Variants in SPAG16 observed in about 807,000 individuals in gnomAD.
SPAG16 encodes sperm-associated antigen 16 protein.
In SPAG16, 86 loss-of-function variants were observed where a neutral mutation model predicts 80.4. The ratio of observed to expected loss-of-function variants is 1.07; its 90% CI spans 0.90 to 1.28. SPAG16 has a LOEUF of 1.28. SPAG16 is among the 50% of genes most tolerant of loss of function. SPAG16 has a pLI of 0.00. For synonymous variants in SPAG16, 294 were observed against 265.9 expected, an observed-to-expected ratio of 1.11 and a Z score of -1.03; for missense variants, 870 against 765.3, an observed-to-expected ratio of 1.14 and a Z score of -1.61.
chr2:213,292,471 C>T (rs999085068), intron 1 of SPAG16, among the ~76,000 whole-genome samples: 4 of 151,198 alleles, frequency 2.6e-5, no homozygotes, highest in Non-Finnish European at 4.4e-5. Context: ...GAGACCATCC[C>T]GGCTAAAACG....
intron 14 of SPAG16, among the ~76,000 whole-genome samples, chr2:214,117,957 A>G (rs1480877234): frequency 1.3e-5 from 2 of 152,202 alleles, no homozygotes; most frequent in South Asian, 2.1e-4. Context: ...AAATATGCCT[A>G]TCTTTACTAT....
At chr2:213,515,207 G>A (rs1039806584) in intron 10 of SPAG16, among the ~76,000 whole-genome samples, 1 of 152,008 alleles carries the variant, frequency 6.6e-6, no homozygotes, top group African/African-American at 2.4e-5. Flanking sequence ...TCAATTTAAA[G>A]GTTACTTAAA....
chr2:214,077,873 C>T (rs1448806202), intron 13 of SPAG16, among the ~76,000 whole-genome samples: 1 of 152,216 alleles, frequency 6.6e-6, no homozygotes, highest in Admixed American at 6.5e-5. Context: ...AACTCTGTAG[C>T]AACTTGCTGT....
intron 12 of SPAG16, among the ~76,000 whole-genome samples, chr2:214,003,196 A>T (rs1170354105): frequency 2.0e-5 from 3 of 152,208 alleles, no homozygotes; most frequent in East Asian, 1.9e-4. Flanking sequence ...TAATATATTT[A>T]AAAATGTTTC....
At chr2:213,619,610 A>C (rs563808064) in intron 10 of SPAG16, among the ~76,000 whole-genome samples, 1 of 152,328 alleles carries the variant, frequency 6.6e-6, no homozygotes, top group African/African-American at 2.4e-5. Context: ...CCACAGTGAG[A>C]TATCATCTCA....
chr2:213,726,263 A>G (rs990073123), intron 10 of SPAG16, among the ~76,000 whole-genome samples: 9 of 152,290 alleles, frequency 5.9e-5, no homozygotes, highest in East Asian at 3.9e-4. Flanking sequence ...AGCATTGGCT[A>G]TCTCTCAGGG....
At chr2:213,457,277 G>A (rs145957395) in intron 9 of SPAG16, among the ~76,000 whole-genome samples, 41 of 152,140 alleles carry the variant, frequency 2.7e-4, no homozygotes, top group Admixed American at 1.4e-3. Flanking sequence ...TTCTCAGGTT[G>A]CTCTTCCTCT....
intron 15 of SPAG16, among the ~76,000 whole-genome samples, chr2:214,255,519 T>C (rs558919750): frequency 6.6e-6 from 1 of 152,122 alleles, no homozygotes; most frequent in South Asian, 2.1e-4. Flanking sequence ...CTTGCAGGTA[T>C]CAATACAGTT....
At chr2:213,699,550 A>G (rs192818993) in intron 10 of SPAG16, among the ~76,000 whole-genome samples, 1 of 152,310 alleles carries the variant, frequency 6.6e-6, no homozygotes, top group East Asian at 1.9e-4. Context: ...GTCCTTATCT[A>G]TGGACTGCTG....
chr2:214,201,789 C>T (rs191808338), intron 15 of SPAG16, among the ~76,000 whole-genome samples: 29 of 152,180 alleles, frequency 1.9e-4, no homozygotes, highest in African/African-American at 7.0e-4. Context: ...GCCTGAGCTG[C>T]AATGTCAAAA....
intron 13 of SPAG16, among the ~76,000 whole-genome samples, chr2:214,097,457 C>T (rs2052668549): frequency 6.6e-6 from 1 of 152,050 alleles, no homozygotes. Context: ...AAGAACGCAA[C>T]AGTGCACAAA....
intron 15 of SPAG16, among the ~76,000 whole-genome samples, chr2:214,174,588 A>C (rs1227307399): frequency 1.3e-5 from 2 of 151,844 alleles, no homozygotes; most frequent in African/African-American, 4.8e-5. Flanking sequence ...GTATTAGTTT[A>C]ATGTTAAGTG....
At chr2:213,615,424 C>G (rs2061561440) in intron 10 of SPAG16, among the ~76,000 whole-genome samples, 1 of 152,132 alleles carries the variant, frequency 6.6e-6, no homozygotes. Context: ...GACCCTGTCT[C>G]TACTAAAAAT....
At chr2:213,287,493 A>G (rs747816578) in intron 1 of SPAG16, among the ~76,000 whole-genome samples, 1 of 152,240 alleles carries the variant, frequency 6.6e-6, no homozygotes, top group Non-Finnish European at 1.5e-5. Context: ...GTAAATGAAT[A>G]CATGGACCCT....
At chr2:213,392,153 A>T (rs1362862462) in intron 9 of SPAG16, among the ~76,000 whole-genome samples, 1 of 152,136 alleles carries the variant, frequency 6.6e-6, no homozygotes, top group Non-Finnish European at 1.5e-5. Context: ...GGTTTCCTCT[A>T]CTCTGATACA....
intron 15 of SPAG16, among the ~76,000 whole-genome samples, chr2:214,233,924 T>C (rs1312154567): frequency 6.6e-6 from 1 of 152,118 alleles, no homozygotes; most frequent in Admixed American, 6.6e-5. Context: ...ATGCGCAGCA[T>C]GTACAGGTTT....
chr2:214,070,637 C>T (rs745348399), intron 13 of SPAG16, among the ~76,000 whole-genome samples: 17 of 151,946 alleles, frequency 1.1e-4, no homozygotes, highest in Admixed American at 3.3e-4. Context: ...GTCTTTTTAG[C>T]ATCAAATGAG....
intron 15 of SPAG16, among the ~76,000 whole-genome samples, chr2:214,179,847 G>A (rs1166901436): frequency 6.6e-6 from 1 of 151,280 alleles, no homozygotes; most frequent in Non-Finnish European, 1.5e-5. Flanking sequence ...CATTATGAGT[G>A]GAAAATAAAT....
intron 6 of SPAG16, 75 bp downstream of exon 6, chr2:213,340,345 T>G: frequency 9.3e-7 from 1 of 1,074,920 alleles, no homozygotes. Flanking sequence ...ATGACAAAGT[T>G]TTAGACAAAG....
Sources: allele counts gnomAD v4.1 joint callset (sites outside exome capture counted in the v4.1 genomes callset), GRCh38; gene constraint gnomAD v4.1.1; transcripts MANE v1.5; gene names NCBI Gene and HGNC (gene_info 2026-07-23, HGNC 2026-07-21).